The following STX17 variants were observed in gnomAD, a reference collection of about 807,000 sequenced individuals.
STX17 encodes syntaxin 17, also known as syntaxin-17.
STX17 carries 29 observed loss-of-function variants against 35.9 expected under a neutral mutation model. The observed-to-expected ratio is 0.81, with a 90% CI of 0.60 to 1.10. The LOEUF is 1.10. Among genes scored for constraint, STX17 ranks in the 50% least tolerant of loss-of-function variants. The probability of loss-of-function intolerance (pLI) is 0.00; values close to 1 mark genes in which losing one functional copy is unlikely to be tolerated. For missense variants in STX17, 312 were observed against 352.3 expected (o/e 0.89, Z 0.92); for synonymous variants, 92 against 118.3 (o/e 0.78, Z 1.44).
At chr9:99,928,880 A>G in intron 3 of STX17, 37 bp downstream of exon 3, 2 of 1,590,124 alleles carry the variant, frequency 1.3e-6, no homozygotes, top group Non-Finnish European at 1.7e-6. Flanking sequence ...AATCAGTATG[A>G]AAAAGACAGT....
rs141429435 is a variant in STX17 at position 99,968,806 on chromosome 9, G to A, written c.*133G>A. ...ACTGATGTTCAAGTGGGATTGAAGT[G>A]TGATAAATGGATATATTTTGTTGTT... On this transcript the variant is annotated 3_prime_UTR_variant, in exon 8 of 8. Transcript: ENST00000259400. 1.5e-6 allele frequency: 2 copies of A among 1,359,512 alleles called. No homozygotes were observed. Among genetic ancestry groups the A allele is most frequent in the African/African-American group, 2.9e-5 (2 of 68,068 alleles). 84.2% of individuals were successfully genotyped at this position (1,359,512 alleles called of 1,614,324 possible). A position where few individuals can be genotyped will look rare whatever the true frequency, so the allele number is the denominator to read the frequency against.
chr9:99,929,112 C>T (rs982980639), intron 3 of STX17: 3 of 255,528 alleles, frequency 1.2e-5, no homozygotes, highest in African/African-American at 2.2e-5. Context: ...ATTGGTATTA[C>T]CCATTTCTTA....
In STX17 at chr9:99,932,673, C is replaced by T. The variant is rs906282404; in HGVS notation, c.189+3830C>T. Among the ~76,000 whole-genome samples, 5 of 151,918 alleles carry T rather than the reference C, an allele frequency of 3.3e-5. No homozygotes were observed. In the South Asian group the frequency reaches 6.2e-4, roughly 19 times the overall value. On this transcript the variant is annotated intron_variant, in intron 3 of 7. Transcript: ENST00000259400. Reference sequence around the variant, plus strand: ...TTTTAAAATTTGCGTATATATTTACCGTATTGACCTCCATCTGGCATAAAA... The same window carrying T: ...TTTTAAAATTTGCGTATATATTTACTGTATTGACCTCCATCTGGCATAAAA...
chr9:99,957,930 T>C (rs1829746070), intron 4 of STX17, among the ~76,000 whole-genome samples: 1 of 152,130 alleles, frequency 6.6e-6, no homozygotes, highest in African/African-American at 2.4e-5. Flanking sequence ...TCCAACTGCA[T>C]CCTTAATGTG....
chr9:99,942,339 C>A (rs1031578962), intron 3 of STX17, among the ~76,000 whole-genome samples: 1 of 152,124 alleles, frequency 6.6e-6, no homozygotes. Flanking sequence ...TTGCCTATGA[C>A]CCCTTTATCA....
intron 6 of STX17, among the ~76,000 whole-genome samples, chr9:99,962,005 T>G (rs578158257): frequency 2.0e-5 from 3 of 152,260 alleles, no homozygotes; most frequent in African/African-American, 7.2e-5. Context: ...TTGCCTTCTT[T>G]CCATATGAAA....
chr9:99,928,053 A>G (rs928500726), intron 2 of STX17, among the ~76,000 whole-genome samples: 3 of 152,166 alleles, frequency 2.0e-5, no homozygotes, highest in Admixed American at 1.3e-4. Context: ...AAATGTGTTT[A>G]ATGTAACTAT....
At chr9:99,968,349 C>T (rs1266304557) in intron 7 of STX17, 85 bp from the exon 8 acceptor site, 8 of 1,472,164 alleles carry the variant, frequency 5.4e-6, no homozygotes, top group Middle Eastern at 4.8e-4. Flanking sequence ...GAGGCATTGC[C>T]AGGAGTAATG....
At chr9:99,928,969 C>T (rs1829051449) in intron 3 of STX17, 126 bp downstream of exon 3, 3 of 776,002 alleles carry the variant, frequency 3.9e-6, no homozygotes, top group Non-Finnish European at 6.0e-6. Context: ...CTTGAGGATA[C>T]ATTTTTAGCA....
intron 4 of STX17, chr9:99,954,019 A>C (rs868551230): frequency 6.6e-6 from 1 of 151,956 alleles, no homozygotes; most frequent in Non-Finnish European, 1.5e-5. Flanking sequence ...ATAAAAAAAA[A>C]CTTCGGCAGA....
At chr9:99,962,448 A>G (rs962496694) in intron 6 of STX17, among the ~76,000 whole-genome samples, 1 of 152,232 alleles carries the variant, frequency 6.6e-6, no homozygotes, top group South Asian at 2.1e-4. Flanking sequence ...ACACAAATAT[A>G]TACACTTGCC....
chr9:99,918,847 G>A (rs1477767204), intron 2 of STX17, among the ~76,000 whole-genome samples: 2 of 152,156 alleles, frequency 1.3e-5, no homozygotes, highest in African/African-American at 4.8e-5. Flanking sequence ...CTGTTGGGGT[G>A]TGTTTATTTT....
chr9:99,934,655 A>G (rs984684644), intron 3 of STX17, among the ~76,000 whole-genome samples: 1 of 152,218 alleles, frequency 6.6e-6, no homozygotes, highest in Non-Finnish European at 1.5e-5. Flanking sequence ...AATGTTTACC[A>G]GTGGACTTCT....
intron 6 of STX17, chr9:99,967,420 T>C (rs1829936447): frequency 2.7e-6 from 1 of 375,368 alleles, no homozygotes; most frequent in Non-Finnish European, 4.9e-6. Flanking sequence ...CGTGAGATGC[T>C]TTTTGCTGTA....
At chr9:99,934,430 G>A (rs1441592818) in intron 3 of STX17, among the ~76,000 whole-genome samples, 1 of 152,054 alleles carries the variant, frequency 6.6e-6, no homozygotes, top group East Asian at 1.9e-4. Context: ...TCTTTTTGGT[G>A]GCTTAGTTAA....
chr9:99,957,664 T>C (rs1010085085), intron 4 of STX17, among the ~76,000 whole-genome samples: 10 of 151,236 alleles, frequency 6.6e-5, no homozygotes, highest in Non-Finnish European at 1.5e-4. Context: ...TTGTTTTTTT[T>C]TTTTTTTTGA....
At chr9:99,921,555 G>A (rs1828887926) in intron 2 of STX17, among the ~76,000 whole-genome samples, 1 of 150,760 alleles carries the variant, frequency 6.6e-6, no homozygotes, top group Non-Finnish European at 1.5e-5. Context: ...GGACAGGAAA[G>A]GGCCAGAGCA....
At chr9:99,931,204 C>G (rs1829114350) in intron 3 of STX17, among the ~76,000 whole-genome samples, 2 of 152,192 alleles carry the variant, frequency 1.3e-5, no homozygotes, top group Admixed American at 1.3e-4. Flanking sequence ...TGGTCTCAAT[C>G]TCTTGACCTT....
At chr9:99,955,745 T>TA (rs1177454169) in intron 4 of STX17, among the ~76,000 whole-genome samples, 1 of 152,098 alleles carries the variant, frequency 6.6e-6, no homozygotes, top group Non-Finnish European at 1.5e-5. Flanking sequence ...TCCTGGGGTT[T>TA]AAAAAACAGT....
Sources: allele counts gnomAD v4.1 joint callset (sites outside exome capture counted in the v4.1 genomes callset), GRCh38; gene constraint gnomAD v4.1.1; transcripts MANE v1.5; gene names NCBI Gene and HGNC (gene_info 2026-07-23, HGNC 2026-07-21).